Variants in PHAX observed in about 807,000 individuals in gnomAD.
PHAX encodes phosphorylated adaptor for RNA export.
In PHAX, 31 loss-of-function variants were observed where a neutral mutation model predicts 41.6. That is an observed-to-expected ratio of 0.75 (90% CI 0.56 to 1.01). The LOEUF is 1.01. Ranked by LOEUF, PHAX falls within the 50% of genes least tolerant of loss-of-function variation. The pLI, the probability that PHAX is intolerant of heterozygous loss-of-function variation, is 0.00. For synonymous variants in PHAX, 175 were observed against 164.9 expected, an observed-to-expected ratio of 1.06 and a Z score of -0.47; for missense variants, 453 against 472.9, an observed-to-expected ratio of 0.96 and a Z score of 0.39.
Position 126,600,950 on chromosome 5 carries a change from G to A in PHAX, c.-13G>A. On this transcript the variant is annotated 5_prime_UTR_variant, in exon 1 of 5. Coordinates refer to ENST00000297540, the MANE Select transcript of PHAX (RefSeq NM_032177.4). The stretch of plus-strand genomic sequence containing the variant: ...CTGACCCGCCGCTGTGCAGCGCAGC[G>A]CACCGCGGGAAGATGGCGTTGGAGG... 2 of 1,597,234 alleles carry A rather than the reference G, an allele frequency of 1.3e-6. No individual in the cohort carries two copies. The highest frequency in any genetic ancestry group is 1.7e-6 in the Non-Finnish European group (2 of 1,170,274).
chr5:126,609,349 G>C (rs1265098498), intron 3 of PHAX, among the ~76,000 whole-genome samples: 3 of 151,736 alleles, frequency 2.0e-5, no homozygotes, highest in Non-Finnish European at 4.4e-5. Flanking sequence ...AATCCACCCA[G>C]CTCGGCCTCC....
rs761125079 is a variant in PHAX, at chr5:126,609,095, AT to A, written c.831+634del. 1.9e-3 allele frequency among the ~76,000 whole-genome samples: 193 copies of A among 101,236 alleles called. 3 individuals are homozygous for A. The highest frequency in any genetic ancestry group is 3.7e-3 in the African/African-American group (78 of 20,996). The allele number at this position is 101,236 out of a possible 152,430, so 66.4% of individuals were successfully genotyped here. A position where few individuals can be genotyped will look rare whatever the true frequency, so the allele number is the denominator to read the frequency against. ...ATGATTTGTTAAAGGTAGGGGTTGA[AT>A]TTTTTTTTTTTTTTTTTTTTTTGAG... is the stretch of plus-strand genomic sequence containing the variant. On this transcript the variant is annotated intron_variant, in intron 3 of 4. Transcript: ENST00000297540.
chr5:126,620,209 A>G (rs955245593), intron 4 of PHAX, among the ~76,000 whole-genome samples: 3 of 152,220 alleles, frequency 2.0e-5, no homozygotes, highest in Admixed American at 2.0e-4. Flanking sequence ...CATTGTAACA[A>G]CTGTTTCAGT....
intron 2 of PHAX, among the ~76,000 whole-genome samples, 199 bp from the exon 3 acceptor site, chr5:126,608,165 T>C (rs555602595): frequency 6.6e-6 from 1 of 152,314 alleles, no homozygotes; most frequent in African/African-American, 2.4e-5. Flanking sequence ...AGAGTTTAGA[T>C]GGAAACTTGA....
Position 126,624,957 on chromosome 5 carries a change from A to C in PHAX, c.*113A>C. On this transcript the variant is annotated 3_prime_UTR_variant, in exon 5 of 5. Coordinates refer to ENST00000297540, the MANE Select transcript of PHAX (RefSeq NM_032177.4). ...ATAAACATGAGAATCTGGAGGAAAG[A>C]CAATTGTTTTCTTGTTTAAAATATG... is the stretch of plus-strand genomic sequence containing the variant. The C allele has an allele frequency of 1.1e-6, 1 of 939,438 alleles. No individual in the cohort carries two copies. The highest frequency in any genetic ancestry group is 1.6e-6 in the Non-Finnish European group (1 of 631,322). 58.2% of individuals were successfully genotyped at this position (939,438 alleles called of 1,614,324 possible).
Position 126,612,547 on chromosome 5 carries a change from A to C in PHAX, c.831+4063A>C, listed in dbSNP as rs182705763. Among the ~76,000 whole-genome samples the C allele has an allele frequency of 1.1e-4, 17 of 152,162 alleles. 1 individual carries two copies. The East Asian group carries it at 2.7e-3, about 24-fold the overall frequency. ...AACCCCATCTCTATTAAAAATACAC[A>C]AAAATTAGCCAGGTATGGTGGTGTA... On this transcript the variant is annotated intron_variant, in intron 3 of 4. Coordinates refer to ENST00000297540, the MANE Select transcript of PHAX (RefSeq NM_032177.4).
intron 2 of PHAX, among the ~76,000 whole-genome samples, chr5:126,607,270 A>G (rs1752004330): frequency 6.6e-6 from 1 of 152,012 alleles, no homozygotes; most frequent in Non-Finnish European, 1.5e-5. Context: ...CCTTCATTTC[A>G]CAGATTAATA....
chr5:126,617,836 A>G (rs1752212093), intron 4 of PHAX, among the ~76,000 whole-genome samples: 1 of 152,098 alleles, frequency 6.6e-6, no homozygotes, highest in African/African-American at 2.4e-5. Context: ...CTGGTCTTGT[A>G]CGTCTCGGCT....
Position 126,613,885 on chromosome 5 carries a change from TC to T in PHAX, c.832-3363del, listed in dbSNP as rs551705980. 2.6e-5 allele frequency among the ~76,000 whole-genome samples: 4 copies of T among 151,760 alleles called. No individual in the cohort carries two copies. The South Asian group carries it at 8.3e-4, about 32-fold the overall frequency. On this transcript the variant is annotated intron_variant, in intron 3 of 4. Coordinates refer to ENST00000297540, the MANE Select transcript of PHAX (RefSeq NM_032177.4). Reference sequence around the variant, plus strand: ...CGACCTCCCTGGCTCAAGCAGTCCTTCCACTTCAGTCTCCCAAGTAGCTGGG... The same window carrying T: ...CGACCTCCCTGGCTCAAGCAGTCCTTCACTTCAGTCTCCCAAGTAGCTGGG...
chr5:126,610,520 T>G (rs961264736), intron 3 of PHAX, among the ~76,000 whole-genome samples: 4 of 152,232 alleles, frequency 2.6e-5, no homozygotes, highest in Admixed American at 2.0e-4. Context: ...AAAGAAATTA[T>G]AATAATCATG....
At chr5:126,616,108 A>G (rs1581420917) in intron 3 of PHAX, among the ~76,000 whole-genome samples, 3 of 151,114 alleles carry the variant, frequency 2.0e-5, no homozygotes, top group East Asian at 3.9e-4. Context: ...AAAAAAAAAA[A>G]TGAAATGGAG....
At chr5:126,621,957 G>A (rs1012806602) in intron 4 of PHAX, among the ~76,000 whole-genome samples, 2 of 152,046 alleles carry the variant, frequency 1.3e-5, no homozygotes, top group Non-Finnish European at 2.9e-5. Context: ...TTTTTATTTT[G>A]TTTATTGTTT....
chr5:126,608,762 C>T (rs370823264), intron 3 of PHAX, among the ~76,000 whole-genome samples: 7 of 151,982 alleles, frequency 4.6e-5, no homozygotes, highest in African/African-American at 1.7e-4. Context: ...CATGGAGAAA[C>T]CCTGTCTCTA....
chr5:126,600,980 C>G lies in PHAX; in HGVS notation c.18C>G (p.Gly6=), dbSNP rs75136984. Reference sequence around the variant, plus strand: ...GCGGGAAGATGGCGTTGGAGGTCGGCGATATGGAAGATGGGCAGCTTTCCG... The same window carrying G: ...GCGGGAAGATGGCGTTGGAGGTCGGGGATATGGAAGATGGGCAGCTTTCCG... MALEV[G]DMEDGQLSDS... The change falls in exon 1 of 5, where the codon GGC becomes GGG. Residue 6 remains glycine, a synonymous_variant. Transcript: ENST00000297540. 2 of 1,603,662 alleles carry G rather than the reference C, an allele frequency of 1.2e-6. No homozygotes were observed. The highest frequency in any genetic ancestry group is 1.7e-6 in the Non-Finnish European group (2 of 1,175,172).
At chr5:126,620,604 G>T (rs780012262) in intron 4 of PHAX, among the ~76,000 whole-genome samples, 4 of 152,124 alleles carry the variant, frequency 2.6e-5, no homozygotes, top group African/African-American at 4.8e-5. Flanking sequence ...AGTTATTCCA[G>T]CTCATTTAGG....
intron 3 of PHAX, among the ~76,000 whole-genome samples, chr5:126,617,037 C>T (rs1319660587): frequency 6.6e-6 from 1 of 152,066 alleles, no homozygotes; most frequent in East Asian, 1.9e-4. Flanking sequence ...TTAAAAAAGA[C>T]CAAATATTTT....
intron 3 of PHAX, among the ~76,000 whole-genome samples, chr5:126,610,183 GA>G (rs1752066262): frequency 6.6e-6 from 1 of 152,210 alleles, no homozygotes; most frequent in African/African-American, 2.4e-5. Flanking sequence ...GCAATAATGG[GA>G]GAAAAGTTTG....
At chr5:126,608,891 C>T (rs754516372) in intron 3 of PHAX, among the ~76,000 whole-genome samples, 2 of 150,446 alleles carry the variant, frequency 1.3e-5, no homozygotes, top group South Asian at 2.1e-4. Flanking sequence ...GAGCTGAGAT[C>T]GCACCCTTGC....
chr5:126,615,047 G>A (rs1160922546), intron 3 of PHAX, among the ~76,000 whole-genome samples: 4 of 151,860 alleles, frequency 2.6e-5, no homozygotes, highest in East Asian at 3.9e-4. Flanking sequence ...CACCGTACCC[G>A]GCCCTAACAC....
Sources: gnomAD v4.1 joint callset for allele counts (sites outside exome capture counted in the v4.1 genomes callset) on GRCh38, gnomAD v4.1.1 for gene constraint, MANE v1.5 for transcripts, NCBI Gene and HGNC (gene_info 2026-07-23, HGNC 2026-07-21) for gene names.